The following CSNK2B variants were observed in gnomAD, a reference collection of about 807,000 sequenced individuals.
The protein encoded by CSNK2B is casein kinase II subunit beta.
Under a neutral mutation model 28.8 loss-of-function variants are expected in CSNK2B, and 2 were observed. That is an observed-to-expected ratio of 0.07 (90% CI 0.03 to 0.22). The LOEUF is 0.22. Ranked by LOEUF, CSNK2B falls within the 10% of genes least tolerant of loss-of-function variation. The pLI is 1.00. For missense variants in CSNK2B, 107 were observed against 277.9 expected, an observed-to-expected ratio of 0.39 and a Z score of 4.37; for synonymous variants, 89 against 96.1, an observed-to-expected ratio of 0.93 and a Z score of 0.43.
At position 31,669,204 on chromosome 6, in the gene CSNK2B, G is replaced by A. The variant is rs368195940; in HGVS notation, c.367+32G>A. On this transcript the variant is annotated intron_variant, in intron 5 of 6. Coordinates refer to ENST00000375882, the MANE Select transcript of CSNK2B (RefSeq NM_001320.7). The surrounding 1 kb of genome is among the most constrained non-coding windows in gnomAD (Gnocchi z 4.8). ...GTTGAAGAAGGGAAAGGAAAGCACCGTGTGGCAGTCTTATGGGAAGGAGTT... is the reference window on the plus strand; with the variant it reads ...GTTGAAGAAGGGAAAGGAAAGCACCATGTGGCAGTCTTATGGGAAGGAGTT... The A allele has an allele frequency of 2.1e-5, 34 of 1,608,208 alleles. No homozygotes were observed. The highest frequency in any genetic ancestry group is 5.3e-5 in the African/African-American group (4 of 74,820).
Position 31,669,284 on chromosome 6 carries a change from G to A in CSNK2B, c.368-35G>A. On this transcript the variant is annotated intron_variant, in intron 5 of 6. Coordinates refer to ENST00000375882, the MANE Select transcript of CSNK2B (RefSeq NM_001320.7). The surrounding 1 kb of genome is among the most constrained non-coding windows in gnomAD (Gnocchi z 4.8). Reference sequence around the variant, plus strand: ...GAGGGGAGGTTAGGTAGGAATAGGGGGATACCTGGCCTGCTGAGTCTGGCT... The same window carrying A: ...GAGGGGAGGTTAGGTAGGAATAGGGAGATACCTGGCCTGCTGAGTCTGGCT... The A allele has an allele frequency of 1.2e-6, 2 of 1,605,944 alleles. No individual in the cohort carries two copies. Among genetic ancestry groups the A allele is most frequent in the Non-Finnish European group, 1.7e-6 (2 of 1,173,878 alleles).
chr6:31,667,138 T>C, intron 2 of CSNK2B: 2 of 682,200 alleles, frequency 2.9e-6, no homozygotes, highest in South Asian at 1.5e-5. Flanking sequence ...TTTGTGTCTT[T>C]TTCTTTTTTT....
chr6:31,666,389 C>A, intron 1 of CSNK2B, 181 bp downstream of exon 1: 1 of 185,624 alleles, frequency 5.4e-6, no homozygotes, highest in Non-Finnish European at 1.1e-5. Context: ...GACAATCGCC[C>A]CCAACCCGTG....
Position 31,667,775 on chromosome 6 carries a change from G to A in CSNK2B, c.73-93G>A, listed in dbSNP as rs112538749. 149 of 614,552 alleles carry A rather than the reference G, an allele frequency of 2.4e-4. No individual in the cohort carries two copies. In the African/African-American group the frequency reaches 2.6e-3, roughly 11 times the overall value. The allele number at this position is 614,552 out of a possible 1,614,324, so 38.1% of individuals were successfully genotyped here. ...AGAAACAAGCACAACAGATGCAGTT[G>A]TGTTGATGATAAGGCATCACTTAGA... On this transcript the variant is annotated intron_variant, in intron 2 of 6. Transcript: ENST00000375882.
In CSNK2B at chr6:31,670,053, T is replaced by C. The variant is rs1802081077; in HGVS notation, c.*127T>C. On this transcript the variant is annotated 3_prime_UTR_variant, in exon 7 of 7. Transcript: ENST00000375882. ...ATCGTGGTGGGAATATGAAATAAAG[T>C]AGAAGAAAAGGCCATGAGCTAGTCT... 2.5e-6 allele frequency: 2 copies of C among 806,852 alleles called. No individual in the cohort carries two copies. Among genetic ancestry groups the C allele is most frequent in the East Asian group, 5.6e-5 (2 of 35,716 alleles). 50.0% of individuals were successfully genotyped at this position (806,852 alleles called of 1,614,324 possible).
In CSNK2B at chr6:31,669,398, A is replaced by C. The variant is rs1385752444; in HGVS notation, c.447A>C (p.Ser149=). 1.2e-6 allele frequency: 2 copies of C among 1,614,172 alleles called. No homozygotes were observed. The highest frequency in any genetic ancestry group is 1.7e-6 in the Non-Finnish European group (2 of 1,180,036). ...TGGATGTGTACACACCCAAGTCATC[A>C]AGACACCATCACACGGATGGCGCCT... ...KCMDVYTPKS[S]RHHHTDGAYF... is the part of the protein sequence containing the mutation. Residue 149 remains serine (S), a synonymous_variant, in exon 6 of 7, where the codon TCA becomes TCC. Transcript: ENST00000375882. This position sits in a 1 kb window ranked among gnomAD's most constrained non-coding sequence, Gnocchi z 4.8.
At position 31,669,062 on chromosome 6, in the gene CSNK2B, C is replaced by G. The variant is rs146463773; in HGVS notation, c.292-35C>G. ...GAAGGGAGTTGCCTCTTCTTTACAT[C>G]TACCTGCCAACCCCTTCCATTGTAT... On this transcript the variant is annotated intron_variant, in intron 4 of 6. Transcript: ENST00000375882. This position sits in a 1 kb window ranked among gnomAD's most constrained non-coding sequence, Gnocchi z 4.8. The G allele has an allele frequency of 6.4e-7, 1 of 1,567,166 alleles. No homozygotes were observed. The highest frequency in any genetic ancestry group is 2.2e-5 in the East Asian group (1 of 44,616).
At position 31,666,145 on chromosome 6, in the gene CSNK2B, C is replaced by G. The variant is rs1298958022; in HGVS notation, c.-75C>G. On this transcript the variant is annotated 5_prime_UTR_variant, in exon 1 of 7. Transcript: ENST00000375882. ...GGTCCGCGGCCTGCGCTGTAGCGGTCGCCGCCGTTCCCTGGAAGTAGCAAC... is the reference window on the plus strand; with the variant it reads ...GGTCCGCGGCCTGCGCTGTAGCGGTGGCCGCCGTTCCCTGGAAGTAGCAAC... The G allele has an allele frequency of 5.0e-6, 5 of 991,232 alleles. No homozygotes were observed. The highest frequency in any genetic ancestry group is 4.4e-5 in the South Asian group (1 of 22,734). 61.4% of individuals were successfully genotyped at this position (991,232 alleles called of 1,614,324 possible). A position where few individuals can be genotyped will look rare whatever the true frequency, so the allele number is the denominator to read the frequency against.
intron 2 of CSNK2B, among the ~76,000 whole-genome samples, chr6:31,667,592 G>C (rs1433356519): frequency 1.3e-5 from 2 of 152,208 alleles, no homozygotes; most frequent in African/African-American, 2.4e-5. Flanking sequence ...CTAGAGACGG[G>C]ATACAGGAGT....
rs553912850 is a variant in CSNK2B, at chr6:31,669,190, G to A, written c.367+18G>A. ...TCCCATTGGTGAGTGTTGAAGAAGG[G>A]AAAGGAAAGCACCGTGTGGCAGTCT... is the stretch of plus-strand genomic sequence containing the variant. On this transcript the variant is annotated intron_variant, in intron 5 of 6. Coordinates refer to ENST00000375882, the MANE Select transcript of CSNK2B (RefSeq NM_001320.7). This position sits in a 1 kb window ranked among gnomAD's most constrained non-coding sequence, Gnocchi z 4.8. 16 of 1,612,304 alleles carry A rather than the reference G, an allele frequency of 9.9e-6. No homozygotes were observed. The African/African-American group carries it at 1.5e-4, about 15-fold the overall frequency.
Position 31,668,526 on chromosome 6 carries a change from G to T in CSNK2B, c.176-13G>T. The T allele has an allele frequency of 6.2e-7, 1 of 1,611,044 alleles. No individual in the cohort carries two copies. The highest frequency in any genetic ancestry group is 1.3e-5 in the African/African-American group (1 of 75,000). On this transcript the variant is annotated splice_polypyrimidine_tract_variant and intron_variant, in intron 3 of 6. Coordinates refer to ENST00000375882, the MANE Select transcript of CSNK2B (RefSeq NM_001320.7). The stretch of plus-strand genomic sequence containing the variant: ...AAAAACAAGTAGTTGCATTTGGCCG[G>T]GCTGTGTTTCAGATGAAGAACTGGA...
At position 31,668,927 on chromosome 6, in the gene CSNK2B, C is replaced by T. The variant is rs1420738367; in HGVS notation, c.292-170C>T. 3 of 621,622 alleles carry T rather than the reference C, an allele frequency of 4.8e-6. No individual in the cohort carries two copies. In the Admixed American group the frequency reaches 8.5e-5, roughly 18 times the overall value. 38.5% of individuals were successfully genotyped at this position (621,622 alleles called of 1,614,324 possible). On this transcript the variant is annotated intron_variant, in intron 4 of 6. Transcript: ENST00000375882. ...ATGGCTCTGATGGTTTGTAGCCTGCCTAATTGGAAGAAAGGCAACACAGAA... is the reference window on the plus strand; with the variant it reads ...ATGGCTCTGATGGTTTGTAGCCTGCTTAATTGGAAGAAAGGCAACACAGAA...
At chr6:31,666,471 T>G (rs144759129) in intron 1 of CSNK2B, 1 of 322,606 alleles carries the variant, frequency 3.1e-6, no homozygotes, top group African/African-American at 2.1e-5. Flanking sequence ...GTGGGGGTCA[T>G]GCAGAGACTT....
At chr6:31,666,940 C>A in intron 2 of CSNK2B, 37 bp downstream of exon 2, 1 of 1,485,364 alleles carries the variant, frequency 6.7e-7, no homozygotes, top group Non-Finnish European at 9.4e-7. Context: ...GCCAGCTTCA[C>A]ATATCTTCCC....
At position 31,668,553 on chromosome 6, in the gene CSNK2B, G is replaced by A; in HGVS notation, c.190G>A (p.Asp64Asn). ...CTGTGTTTCAGATGAAGAACTGGAA[G>A]ACAACCCCAACCAGAGTGACCTGAT... ...LDLEPDEELE[D>N]NPNQSDLIEQ... The change falls in exon 4 of 7, where the codon GAC becomes AAC. Residue 64 changes from aspartate to asparagine, a missense_variant. Coordinates refer to ENST00000375882, the MANE Select transcript of CSNK2B (RefSeq NM_001320.7). 1 of 1,612,970 alleles carries A rather than the reference G, an allele frequency of 6.2e-7. No homozygotes were observed. Among genetic ancestry groups the A allele is most frequent in the East Asian group, 2.2e-5 (1 of 44,884 alleles).
intron 1 of CSNK2B, 81 bp downstream of exon 1, chr6:31,666,289 G>A (rs535535721): frequency 1.4e-6 from 1 of 703,074 alleles, no homozygotes; most frequent in Non-Finnish European, 1.8e-6. Flanking sequence ...ATGTGGGGGC[G>A]GGGGAGGAAG....
chr6:31,668,796 A>C (rs946059180), intron 4 of CSNK2B, 142 bp downstream of exon 4: 12 of 734,252 alleles, frequency 1.6e-5, no homozygotes, highest in Non-Finnish European at 2.5e-5. Flanking sequence ...CTGGGAATTG[A>C]ATTCTGATTG....
At position 31,666,224 on chromosome 6, in the gene CSNK2B, T is replaced by G; in HGVS notation, c.-12+16T>G. 1.0e-6 allele frequency: 1 copy of G among 987,542 alleles called. No homozygotes were observed. The highest frequency in any genetic ancestry group is 1.2e-6 in the Non-Finnish European group (1 of 829,312). The allele number at this position is 987,542 out of a possible 1,614,324, so 61.2% of individuals were successfully genotyped here. A position where few individuals can be genotyped will look rare whatever the true frequency, so the allele number is the denominator to read the frequency against. On this transcript the variant is annotated intron_variant, in intron 1 of 6. Transcript: ENST00000375882. ...CGTCCAGCCGGTGAGTCTGAAGTCGTCGCTGCTCCGAGTCCCTTGTCGCTG... is the reference window on the plus strand; with the variant it reads ...CGTCCAGCCGGTGAGTCTGAAGTCGGCGCTGCTCCGAGTCCCTTGTCGCTG...
Position 31,669,404 on chromosome 6 carries a change from C to A in CSNK2B, c.453C>A (p.His151Gln). 1 of 1,614,174 alleles carries A rather than the reference C, an allele frequency of 6.2e-7. No homozygotes were observed. The highest frequency in any genetic ancestry group is 2.2e-5 in the East Asian group (1 of 44,888). ...TGTACACACCCAAGTCATCAAGACA[C>A]CATCACACGGATGGCGCCTACTTCG... ...MDVYTPKSSR[H>Q]HHTDGAYFGT... is the part of the protein sequence containing the mutation. Residue 151 changes from histidine (H) to glutamine (Q), a missense_variant, in exon 6 of 7, where the codon CAC (histidine) becomes CAA (glutamine). Physicochemically the swap from His to Gln is conservative, Grantham distance 24 (BLOSUM62 0). Coordinates refer to ENST00000375882, the MANE Select transcript of CSNK2B (RefSeq NM_001320.7). The surrounding 1 kb of genome is among the most constrained non-coding windows in gnomAD (Gnocchi z 4.8).
Sources: allele counts gnomAD v4.1 joint callset (sites outside exome capture counted in the v4.1 genomes callset), GRCh38; gene constraint gnomAD v4.1.1; non-coding constraint Gnocchi (gnomAD v3.1); transcripts MANE v1.5; gene names NCBI Gene and HGNC (gene_info 2026-07-23, HGNC 2026-07-21).